HIBCH: variants seen among roughly 807,000 people sequenced by gnomAD.
HIBCH encodes the protein 3-hydroxyisobutyryl-CoA hydrolase, also known as 3-hydroxyisobutyryl-CoA hydrolase, mitochondrial.
Under a neutral mutation model 58.2 loss-of-function variants are expected in HIBCH, and 50 were observed. That is an observed-to-expected ratio of 0.86 (90% CI 0.68 to 1.09). The LOEUF is 1.09. Among genes scored for constraint, HIBCH ranks in the 50% least tolerant of loss-of-function variants. The pLI, the probability that HIBCH is intolerant of heterozygous loss-of-function variation, is 0.00. For missense variants in HIBCH, 450 were observed against 449.7 expected (o/e 1.00, Z -0.01); for synonymous variants, 151 against 146.9 (o/e 1.03, Z -0.20).
intron 3 of HIBCH, 30 bp from the exon 4 acceptor site, chr2:190,294,660 G>A (rs146588702): frequency 6.9e-7 from 1 of 1,452,792 alleles, no homozygotes; most frequent in African/African-American, 1.4e-5. Flanking sequence ...GATGGTATAA[G>A]CATATTATAA....
Position 190,211,189 on chromosome 2 carries a change from G to A in HIBCH, c.1011+1767C>T, listed in dbSNP as rs1415239193. Among the ~76,000 whole-genome samples the A allele has an allele frequency of 6.6e-6, 1 of 152,166 alleles. No homozygotes were observed. Among genetic ancestry groups the A allele is most frequent in the East Asian group, 1.9e-4 (1 of 5,202 alleles). On this transcript the variant is annotated intron_variant, in intron 12 of 13. Transcript: ENST00000359678. This position sits in a 1 kb window ranked among gnomAD's most constrained non-coding sequence, Gnocchi z 5.0. Reference sequence around the variant, plus strand: ...ACGACATAGTAAGCACTCTTGTTTAGTAAATAACGAATCCCCAAGGTTTTC... The same window carrying A: ...ACGACATAGTAAGCACTCTTGTTTAATAAATAACGAATCCCCAAGGTTTTC...
At chr2:190,301,318 T>C (rs1433065886) in intron 2 of HIBCH, among the ~76,000 whole-genome samples, 2 of 152,022 alleles carry the variant, frequency 1.3e-5, no homozygotes, top group Non-Finnish European at 2.9e-5. Flanking sequence ...GGGAAGGAAA[T>C]AGAGGCCTAC....
In HIBCH at chr2:190,262,094, G is replaced by A. The variant is rs142186940; in HGVS notation, c.439-860C>T. ...CGATGACAGGCAGTGAAGCTTAAAGGTCATCTGACATTTGAGCTAAAGATG... is the reference window on the plus strand; with the variant it reads ...CGATGACAGGCAGTGAAGCTTAAAGATCATCTGACATTTGAGCTAAAGATG... On this transcript the variant is annotated intron_variant, in intron 6 of 13. Coordinates refer to ENST00000359678, the MANE Select transcript of HIBCH (RefSeq NM_014362.4). Among the ~76,000 whole-genome samples, 8 of 148,964 alleles carry A rather than the reference G, an allele frequency of 5.4e-5. No homozygotes were observed. The East Asian group carries it at 1.6e-3, about 30-fold the overall frequency.
At chr2:190,301,469 C>T (rs1688259848) in intron 2 of HIBCH, among the ~76,000 whole-genome samples, 1 of 152,100 alleles carries the variant, frequency 6.6e-6, no homozygotes, top group South Asian at 2.1e-4. Context: ...TCTCAATCCC[C>T]AGAGGAGGGA....
At chr2:190,294,888 C>G (rs1302002872) in intron 3 of HIBCH, among the ~76,000 whole-genome samples, 1 of 152,128 alleles carries the variant, frequency 6.6e-6, no homozygotes, top group African/African-American at 2.4e-5. Context: ...ATCCAAATTT[C>G]AAGATGGCAC....
At chr2:190,316,313 TAG>T (rs1280721751) in intron 1 of HIBCH, among the ~76,000 whole-genome samples, 1 of 152,002 alleles carries the variant, frequency 6.6e-6, no homozygotes, top group Non-Finnish European at 1.5e-5. Flanking sequence ...AAATTTTTTG[TAG>T]AGAGACAGTC....
chr2:190,231,298 C>G (rs1686088592), intron 11 of HIBCH, among the ~76,000 whole-genome samples: 1 of 152,084 alleles, frequency 6.6e-6, no homozygotes, highest in Admixed American at 6.5e-5. Context: ...CTGCAAGTAG[C>G]TGAAGTTTTC....
chr2:190,246,712 T>C (rs1028355995), intron 9 of HIBCH, among the ~76,000 whole-genome samples: 1 of 152,260 alleles, frequency 6.6e-6, no homozygotes, highest in African/African-American at 2.4e-5. Flanking sequence ...AGCATGTTTA[T>C]AGTTCTAGTT....
chr2:190,230,283 AAG>A (rs1325316942), intron 11 of HIBCH, among the ~76,000 whole-genome samples: 1 of 152,174 alleles, frequency 6.6e-6, no homozygotes, highest in Non-Finnish European at 1.5e-5. Context: ...TGGTGGGTGG[AAG>A]AGAGAGAGAA....
At chr2:190,227,146 G>A (rs1685930829) in intron 11 of HIBCH, among the ~76,000 whole-genome samples, 1 of 152,220 alleles carries the variant, frequency 6.6e-6, no homozygotes, top group South Asian at 2.1e-4. Context: ...AAAGAACAAA[G>A]CTGGAGGCAT....
At chr2:190,222,197 A>G (rs1321702119) in intron 11 of HIBCH, among the ~76,000 whole-genome samples, 1 of 152,084 alleles carries the variant, frequency 6.6e-6, no homozygotes, top group African/African-American at 2.4e-5. Context: ...CCCTCAACCC[A>G]GCTTCTGCAC....
chr2:190,271,279 CTACTT>C (rs1223040441), intron 6 of HIBCH, among the ~76,000 whole-genome samples: 105 of 144,700 alleles, frequency 7.3e-4, no homozygotes, highest in African/African-American at 2.1e-3. Flanking sequence ...TATCTCTACC[CTACTT>C]TTTTTTTTTT....
At chr2:190,223,277 T>C (rs1373135354) in intron 11 of HIBCH, among the ~76,000 whole-genome samples, 3 of 152,088 alleles carry the variant, frequency 2.0e-5, no homozygotes, top group Admixed American at 6.5e-5. Context: ...AATAAAAAAA[T>C]AAATAAGAGA....
Position 190,197,630 on chromosome 2 carries a change from G to A in HIBCH, c.*17+7470C>T, listed in dbSNP as rs1690042281. Among the ~76,000 whole-genome samples the A allele has an allele frequency of 6.6e-6, 1 of 152,208 alleles. No homozygotes were observed. On this transcript the variant is annotated intron_variant, in intron 1 of 1. Coordinates refer to the HIBCH transcript ENST00000399855. This position sits in a 1 kb window ranked among gnomAD's most constrained non-coding sequence, Gnocchi z 4.0. The stretch of plus-strand genomic sequence containing the variant: ...TAATGCTGGGAGATACCCCCAGGTA[G>A]AATCCCACAATGACCATCTGTGGGA...
intron 9 of HIBCH, among the ~76,000 whole-genome samples, chr2:190,249,055 A>G (rs1388926230): frequency 6.6e-6 from 1 of 152,054 alleles, no homozygotes; most frequent in East Asian, 1.9e-4. Flanking sequence ...CAAGCTTCCA[A>G]AATACTAACA....
intron 2 of HIBCH, among the ~76,000 whole-genome samples, chr2:190,305,429 G>A (rs1390746169): frequency 6.6e-6 from 1 of 152,140 alleles, no homozygotes; most frequent in African/African-American, 2.4e-5. Context: ...GCTTGTGGCA[G>A]CATAACTCCA....
intron 11 of HIBCH, chr2:190,220,192 C>T (rs1429975270): frequency 2.6e-5 from 4 of 152,214 alleles, no homozygotes; most frequent in African/African-American, 9.6e-5. Flanking sequence ...GAGGTCATTA[C>T]ATGCTGTGTA....
At chr2:190,286,152 T>C (rs374582964) in intron 6 of HIBCH, among the ~76,000 whole-genome samples, 3 of 152,260 alleles carry the variant, frequency 2.0e-5, no homozygotes, top group African/African-American at 7.2e-5. Flanking sequence ...TTGAAAGTCA[T>C]TAAACCCTCA....
chr2:190,260,041 T>C (rs984125114), intron 7 of HIBCH, among the ~76,000 whole-genome samples: 2 of 152,106 alleles, frequency 1.3e-5, no homozygotes, highest in East Asian at 1.9e-4. Flanking sequence ...CTATTCAACA[T>C]TGTATTGGAA....
Sources: allele counts gnomAD v4.1 joint callset (sites outside exome capture counted in the v4.1 genomes callset), GRCh38; gene constraint gnomAD v4.1.1; non-coding constraint Gnocchi (gnomAD v3.1); transcripts MANE v1.5; gene names NCBI Gene and HGNC (gene_info 2026-07-23, HGNC 2026-07-21).